Variants in GSDMB observed in about 807,000 individuals in gnomAD.
The protein encoded by GSDMB is gasdermin B.
GSDMB carries 32 observed loss-of-function variants against 42.9 expected under a neutral mutation model. The ratio of observed to expected loss-of-function variants is 0.75; its 90% CI spans 0.56 to 1.00. The LOEUF (loss-of-function observed/expected upper bound fraction) is 1.00, where lower values mean the gene tolerates loss of function less well. GSDMB is among the 50% of genes least tolerant of loss of function. The probability of loss-of-function intolerance (pLI) is 0.00; values close to 1 mark genes in which losing one functional copy is unlikely to be tolerated. For missense variants in GSDMB, 468 were observed against 498.5 expected, an observed-to-expected ratio of 0.94 and a Z score of 0.58; for synonymous variants, 175 against 193.7, an observed-to-expected ratio of 0.90 and a Z score of 0.80.
chr17:39,917,490 A>G, intron 1 of GSDMB, 160 bp from the exon 2 acceptor site: 1 of 598,556 alleles, frequency 1.7e-6, no homozygotes, highest in Non-Finnish European at 3.0e-6. Flanking sequence ...GCCTGAAGCA[A>G]CTGAAGATCC....
At chr17:39,912,959 T>C (rs935492445) in intron 2 of GSDMB, among the ~76,000 whole-genome samples, 6 of 151,462 alleles carry the variant, frequency 4.0e-5, no homozygotes, top group Non-Finnish European at 8.8e-5. Context: ...ATACAAAAAG[T>C]AGCCAGGCCT....
rs757982606 is a variant in GSDMB, at chr17:39,908,985, G to C, written c.634C>G (p.Leu212Val). ...ATCGTCTCCTTGTTGGGGAAGACAA[G>C]CTGCTTTACTCGATAGCTCAGGACC... The part of the protein sequence containing the change: ...NRVLSYRVKQ[L>V]VFPNKETMNI... The change falls in exon 5 of 11, where the codon CTT (leucine) becomes GTT (valine). Residue 212 changes from leucine to valine, a missense_variant. Transcript: ENST00000418519. 6 of 1,607,250 alleles carry C rather than the reference G, an allele frequency of 3.7e-6. No individual in the cohort carries two copies. The highest frequency in any genetic ancestry group is 5.1e-6 in the Non-Finnish European group (6 of 1,176,628).
intron 2 of GSDMB, among the ~76,000 whole-genome samples, chr17:39,916,347 A>C (rs532187663): frequency 1.4e-5 from 2 of 138,188 alleles, no homozygotes; most frequent in Non-Finnish European, 3.0e-5. Context: ...CAGTGGCGTG[A>C]TCTCAGCTCA....
In GSDMB at chr17:39,912,777, G is replaced by A. The variant is rs2063635544; in HGVS notation, c.236-280C>T. 2.6e-5 allele frequency among the ~76,000 whole-genome samples: 4 copies of A among 152,222 alleles called. No homozygotes were observed. In the South Asian group the frequency reaches 8.3e-4, roughly 31 times the overall value. ...CTTTGAATCTGTTTCTTCATCTATA[G>A]TAGGAGAATATTACTAATGTCTACT... On this transcript the variant is annotated intron_variant, in intron 2 of 10. Transcript: ENST00000418519.
intron 5 of GSDMB, 79 bp from the exon 6 acceptor site, chr17:39,908,293 G>T: frequency 1.5e-6 from 1 of 666,340 alleles, no homozygotes. Flanking sequence ...CCTTTCTCCA[G>T]TCCCTCTCAA....
rs773570506 is a variant in GSDMB, at chr17:39,917,177, A to G, written c.140T>C (p.Phe47Ser). 8 of 1,614,136 alleles carry G rather than the reference A, an allele frequency of 5.0e-6. No homozygotes were observed. The highest frequency in any genetic ancestry group is 4.2e-6 in the Non-Finnish European group (5 of 1,180,002). ...FHLVGEKRTF[F>S]GCRHYTTGLT... is the part of the protein sequence containing the mutation. ...GCCTGTTGTGTAGTGCCGGCATCCA[A>G]AGAAAGTTCTCTTCTCCCCCACCAG... The change falls in exon 2 of 11, where the codon TTT becomes TCT. Residue 47 changes from phenylalanine (F) to serine (S), a missense_variant. By Grantham distance (155) the Phe-to-Ser change is radical. Transcript: ENST00000418519.
At chr17:39,908,897 C>A (rs1483935216) in intron 5 of GSDMB, 61 bp downstream of exon 5, 5 of 1,056,174 alleles carry the variant, frequency 4.7e-6, no homozygotes, top group Non-Finnish European at 7.2e-6. Context: ...TTGAATCCCA[C>A]CCCCCACCTC....
rs182439590 is a variant in GSDMB at position 39,907,238 on chromosome 17, G to A, written c.701-251C>T. On this transcript the variant is annotated intron_variant, in intron 6 of 10. Transcript: ENST00000418519. Reference sequence around the variant, plus strand: ...GAGGAAGAAGCCAAGGCCCAGAAAGGGGGCAGCATACACTCAGTCGCTCCG... The same window carrying A: ...GAGGAAGAAGCCAAGGCCCAGAAAGAGGGCAGCATACACTCAGTCGCTCCG... 4.5e-5 allele frequency: 60 copies of A among 1,318,812 alleles called. No homozygotes were observed. The East Asian group carries it at 1.7e-3, about 38-fold the overall frequency. The allele number at this position is 1,318,812 out of a possible 1,614,324, so 81.7% of individuals were successfully genotyped here.
rs561255058 is a variant in GSDMB, at chr17:39,906,737, A to G, written c.727+224T>C. On this transcript the variant is annotated intron_variant, in intron 7 of 10. Coordinates refer to ENST00000418519, the MANE Select transcript of GSDMB (RefSeq NM_001165958.2). ...TTTCTGGAGACGGGACTCAGTCGTC[A>G]CTAGTTTTAAAGTTTCCTGGTGTGA... 6.2e-6 allele frequency: 8 copies of G among 1,297,736 alleles called. No individual in the cohort carries two copies. In the South Asian group the frequency reaches 1.6e-4, roughly 26 times the overall value. 80.4% of individuals were successfully genotyped at this position (1,297,736 alleles called of 1,614,324 possible).
At chr17:39,905,305 G>A in intron 10 of GSDMB, 121 bp downstream of exon 10, 1 of 696,680 alleles carries the variant, frequency 1.4e-6, no homozygotes, top group Non-Finnish European at 2.5e-6. Flanking sequence ...CAGCTGCATG[G>A]ATGTGAGCCG....
intron 3 of GSDMB, among the ~76,000 whole-genome samples, chr17:39,910,900 T>C (rs1048672876): frequency 6.6e-6 from 1 of 152,044 alleles, no homozygotes; most frequent in African/African-American, 2.4e-5. Context: ...AACACCGAGC[T>C]CTCTTAGAAC....
At chr17:39,914,833 C>CTT (rs79835993) in intron 2 of GSDMB, among the ~76,000 whole-genome samples, 70,412 of 139,612 alleles carry the variant, frequency 0.5, 17,855 homozygotes, top group East Asian at 0.72. Context: ...CCTATGCACA[C>CTT]TTTTTTTTTT....
chr17:39,911,175 T>C (rs2063600564), intron 3 of GSDMB, among the ~76,000 whole-genome samples: 1 of 151,780 alleles, frequency 6.6e-6, no homozygotes, highest in South Asian at 2.1e-4. Context: ...ATACAAAAAT[T>C]AGCTAGGCGT....
chr17:39,908,713 G>C (rs1023559892), intron 5 of GSDMB, among the ~76,000 whole-genome samples: 2 of 152,196 alleles, frequency 1.3e-5, no homozygotes. Context: ...GAGACTGGGA[G>C]AGGAGTTAAT....
At position 39,904,757 on chromosome 17, in the gene GSDMB, G is replaced by A; in HGVS notation, c.*55C>T. The A allele has an allele frequency of 6.6e-7, 1 of 1,512,170 alleles. No homozygotes were observed. Among genetic ancestry groups the A allele is most frequent in the Non-Finnish European group, 9.1e-7 (1 of 1,094,710 alleles). The allele number at this position is 1,512,170 out of a possible 1,614,324, so 93.7% of individuals were successfully genotyped here. A position where few individuals can be genotyped will look rare whatever the true frequency, so the allele number is the denominator to read the frequency against. Reference sequence around the variant, plus strand: ...GGATGGTAGTGGCGATGGCAGTGAGGACAGACTGGTAAAGGGAAAACCCAG... The same window carrying A: ...GGATGGTAGTGGCGATGGCAGTGAGAACAGACTGGTAAAGGGAAAACCCAG... On this transcript the variant is annotated 3_prime_UTR_variant, in exon 11 of 11. Transcript: ENST00000418519.
At chr17:39,906,781 G>A in intron 7 of GSDMB, 180 bp downstream of exon 7, 1 of 1,411,108 alleles carries the variant, frequency 7.1e-7, no homozygotes, top group Non-Finnish European at 9.2e-7. Context: ...TATAACCAAT[G>A]AGAACCACTG....
chr17:39,913,514 G>A (rs2063653365), intron 2 of GSDMB, among the ~76,000 whole-genome samples: 1 of 152,168 alleles, frequency 6.6e-6, no homozygotes, highest in Admixed American at 6.5e-5. Context: ...TTGGGAGGCC[G>A]AGGCAGGAGA....
chr17:39,912,582 C>G, intron 2 of GSDMB, 85 bp from the exon 3 acceptor site: 1 of 1,054,840 alleles, frequency 9.5e-7, no homozygotes, highest in Non-Finnish European at 1.5e-6. Flanking sequence ...CAGCCCCATC[C>G]TGGGTTCCGT....
In GSDMB at chr17:39,906,262, A is replaced by G; in HGVS notation, c.737T>C (p.Leu246Ser). ...DGASSCLGKS[L>S]GSEDSRNMKE... The stretch of plus-strand genomic sequence containing the variant: ...CATGTTTCTGGAATCCTCCGAACCC[A>G]AAGACTTTCCTGTAGAGGCAGCAAT... The change falls in exon 8 of 11, where the codon TTG (leucine) becomes TCG (serine). Residue 246 changes from leucine to serine, a missense_variant. Transcript: ENST00000418519. The G allele has an allele frequency of 6.2e-7, 1 of 1,614,144 alleles. No homozygotes were observed. The highest frequency in any genetic ancestry group is 1.7e-5 in the Admixed American group (1 of 60,018).
Sources: gnomAD v4.1 joint callset for allele counts (sites outside exome capture counted in the v4.1 genomes callset) on GRCh38, gnomAD v4.1.1 for gene constraint, MANE v1.5 for transcripts, NCBI Gene and HGNC (gene_info 2026-07-23, HGNC 2026-07-21) for gene names.